USP25: variants seen among roughly 807,000 people sequenced by gnomAD.
USP25 encodes the protein ubiquitin specific peptidase 25.
A neutral mutation model predicts 158.5 loss-of-function variants in USP25; 85 were observed. The observed-to-expected ratio is 0.54, with a 90% CI of 0.45 to 0.64. The LOEUF (loss-of-function observed/expected upper bound fraction) is 0.64. Among genes scored for constraint, USP25 ranks in the 30% least tolerant of loss-of-function variants. USP25 has a pLI of 0.00. For synonymous variants in USP25, 464 were observed against 460.4 expected, an observed-to-expected ratio of 1.01 and a Z score of -0.10; for missense variants, 1,242 against 1,327.3, an observed-to-expected ratio of 0.94 and a Z score of 1.00.
In USP25 at chr21:15,811,220, TA is replaced by T. The variant is rs1199287003; in HGVS notation, c.931+11del. On this transcript the variant is annotated intron_variant, in intron 9 of 25. Coordinates refer to ENST00000400183, the MANE Select transcript of USP25 (RefSeq NM_001283041.3). ...GTGGGAGTACTTGAAGGTAGAGTTA[TA>T]CATTTACTTTTTATTGCAAGTGAAG... The T allele has an allele frequency of 6.2e-7, 1 of 1,602,000 alleles. No individual in the cohort carries two copies. The highest frequency in any genetic ancestry group is 8.5e-7 in the Non-Finnish European group (1 of 1,174,738).
At chr21:15,783,126 C>T (rs1370064681) in intron 4 of USP25, among the ~76,000 whole-genome samples, 1 of 151,410 alleles carries the variant, frequency 6.6e-6, no homozygotes, top group Non-Finnish European at 1.5e-5. Flanking sequence ...CAATTGAGAG[C>T]CACAGTAACA....
intron 21 of USP25, 129 bp downstream of exon 21, chr21:15,864,575 A>T (rs1204961128): frequency 1.2e-6 from 1 of 862,848 alleles, no homozygotes; most frequent in East Asian, 3.0e-5. Context: ...TACGTAACAA[A>T]ATTTGAACTC....
At chr21:15,799,640 T>C (rs1363295016) in intron 5 of USP25, 117 bp from the exon 6 acceptor site, 2 of 551,788 alleles carry the variant, frequency 3.6e-6, no homozygotes, top group East Asian at 3.0e-5. Context: ...CCAGTTGCAA[T>C]GATTCTGAGT....
intron 1 of USP25, among the ~76,000 whole-genome samples, chr21:15,733,759 T>C (rs1394223162): frequency 2.0e-5 from 3 of 152,074 alleles, no homozygotes; most frequent in Non-Finnish European, 4.4e-5. Flanking sequence ...GGAGAATCGC[T>C]TGAACTCGGG....
In USP25 at chr21:15,766,144, A is replaced by G; in HGVS notation, c.268+3A>G. The G allele has an allele frequency of 6.3e-7, 1 of 1,584,880 alleles. No homozygotes were observed. The highest frequency in any genetic ancestry group is 8.5e-7 in the Non-Finnish European group (1 of 1,171,518). On this transcript the variant is annotated splice_donor_region_variant and intron_variant, in intron 3 of 25. Transcript: ENST00000400183. This position sits in a 1 kb window ranked among gnomAD's most constrained non-coding sequence, Gnocchi z 4.0. ...TGTGGGAAGCCAAGCAGATACAAGT[A>G]AGTTTTCTTTCTTTTCTTATTATTT...
In USP25 at chr21:15,791,494, TGA is replaced by T. The variant is rs1393033363; in HGVS notation, c.393-7_393-6del. The T allele has an allele frequency of 1.9e-6, 3 of 1,591,876 alleles. No homozygotes were observed. Among genetic ancestry groups the T allele is most frequent in the African/African-American group, 2.7e-5 (2 of 73,760 alleles). ...ATAATGCTGCATTTTTTTCCACCAT[TGA>T]TTAAGAGTTCTTGAAGCCAGCATAG... On this transcript the variant is annotated splice_polypyrimidine_tract_variant and splice_region_variant and intron_variant, in intron 4 of 25. Coordinates refer to ENST00000400183, the MANE Select transcript of USP25 (RefSeq NM_001283041.3).
chr21:15,752,346 G>T (rs1476550433), intron 1 of USP25, among the ~76,000 whole-genome samples: 1 of 152,036 alleles, frequency 6.6e-6, no homozygotes, highest in East Asian at 1.9e-4. Flanking sequence ...CTCCTGAGTA[G>T]CTGGGACTAC....
chr21:15,745,632 C>G (rs749181625), intron 1 of USP25, among the ~76,000 whole-genome samples: 1 of 151,814 alleles, frequency 6.6e-6, no homozygotes, highest in Non-Finnish European at 1.5e-5. Flanking sequence ...TGCACCACCA[C>G]GCTCAGCTAA....
chr21:15,768,928 A>T (rs561858198), intron 3 of USP25, among the ~76,000 whole-genome samples: 2 of 152,210 alleles, frequency 1.3e-5, no homozygotes, highest in East Asian at 3.9e-4. Flanking sequence ...GTGCTGACAA[A>T]ACGTCTGTCT....
intron 1 of USP25, among the ~76,000 whole-genome samples, chr21:15,762,672 C>T (rs535998695): frequency 7.0e-4 from 107 of 152,168 alleles, no homozygotes; most frequent in African/African-American, 2.4e-3. Context: ...GTTACCTTTT[C>T]GAAACGTGAG....
Position 15,878,376 on chromosome 21 carries a change from T to C in USP25, c.3279T>C (p.His1093=). The part of the protein sequence containing the change: ...LDCSMEIKSF[H]EPPKLPSYST... ...GTTCTATGGAGATTAAAAGTTTCCA[T>C]GAGCCACCGAAGTTACCTTCATATT... Residue 1093 remains histidine, a synonymous_variant, in exon 26 of 26, where the codon CAT becomes CAC. Coordinates refer to ENST00000400183, the MANE Select transcript of USP25 (RefSeq NM_001283041.3). 5 of 1,613,368 alleles carry C rather than the reference T, an allele frequency of 3.1e-6. No homozygotes were observed. Among genetic ancestry groups the C allele is most frequent in the Non-Finnish European group, 4.2e-6 (5 of 1,179,292 alleles).
chr21:15,864,034 T>C (rs1198242280), intron 20 of USP25, among the ~76,000 whole-genome samples: 14 of 145,188 alleles, frequency 9.6e-5, no homozygotes, highest in South Asian at 6.5e-4. Context: ...GAGACTTCTT[T>C]TTTTTTTTTT....
chr21:15,817,650 G>A (rs1479381388), intron 9 of USP25, among the ~76,000 whole-genome samples: 1 of 152,162 alleles, frequency 6.6e-6, no homozygotes, highest in Non-Finnish European at 1.5e-5. Flanking sequence ...CATGGCAGAA[G>A]GTGAAGGGCA....
chr21:15,789,180 A>G (rs1340001207), intron 4 of USP25, among the ~76,000 whole-genome samples: 1 of 152,144 alleles, frequency 6.6e-6, no homozygotes, highest in East Asian at 1.9e-4. Context: ...TGATGTTTAC[A>G]TTAAATATTT....
chr21:15,805,896 C>T (rs773254196), intron 7 of USP25, among the ~76,000 whole-genome samples: 3 of 152,308 alleles, frequency 2.0e-5, no homozygotes, highest in Non-Finnish European at 4.4e-5. Context: ...CAAAAAGCCA[C>T]TAAGCTTGCA....
At chr21:15,770,108 T>G (rs957502247) in intron 3 of USP25, among the ~76,000 whole-genome samples, 1 of 152,118 alleles carries the variant, frequency 6.6e-6, no homozygotes, top group Non-Finnish European at 1.5e-5. Context: ...CTGTGATAAA[T>G]AGATCCAATT....
At position 15,878,011 on chromosome 21, in the gene USP25, G is replaced by A. The variant is rs778822592; in HGVS notation, c.3205+20G>A. Reference sequence around the variant, plus strand: ...TGGAACGTAAGTTTAAACAATGGTAGTAGGCACCTGAGATGTCCGGATTAA... The same window carrying A: ...TGGAACGTAAGTTTAAACAATGGTAATAGGCACCTGAGATGTCCGGATTAA... On this transcript the variant is annotated intron_variant, in intron 25 of 25. Coordinates refer to ENST00000400183, the MANE Select transcript of USP25 (RefSeq NM_001283041.3). 5 of 1,585,868 alleles carry A rather than the reference G, an allele frequency of 3.2e-6. No individual in the cohort carries two copies. The highest frequency in any genetic ancestry group is 1.4e-5 in the African/African-American group (1 of 73,644).
intron 17 of USP25, among the ~76,000 whole-genome samples, chr21:15,838,840 CTTAAAAGA>C (rs1183925048): frequency 1.3e-5 from 2 of 152,132 alleles, no homozygotes; most frequent in Non-Finnish European, 2.9e-5. Flanking sequence ...AGTTGACCTT[CTTAAAAGA>C]TTGAAGACCA....
In USP25 at chr21:15,730,431, C is replaced by T; in HGVS notation, c.38C>T (p.Ala13Val). 1 of 1,365,128 alleles carries T rather than the reference C, an allele frequency of 7.3e-7. No homozygotes were observed. Among genetic ancestry groups the T allele is most frequent in the Non-Finnish European group, 9.5e-7 (1 of 1,049,828 alleles). The allele number at this position is 1,365,128 out of a possible 1,614,324, so 84.6% of individuals were successfully genotyped here. ...CAGAACGTGCTGCAGCAGAGCGCGG[C>T]GCAGAAGGTGAGGCGAGTCCGCCAG... The part of the protein sequence containing the change: ...VEQNVLQQSA[A>V]QKHQQTFLNQ... The change falls in exon 1 of 26, where the codon GCG (alanine) becomes GTG (valine). Residue 13 changes from alanine to valine, a missense_variant. Coordinates refer to ENST00000400183, the MANE Select transcript of USP25 (RefSeq NM_001283041.3).
Sources: allele counts gnomAD v4.1 joint callset (sites outside exome capture counted in the v4.1 genomes callset), GRCh38; gene constraint gnomAD v4.1.1; non-coding constraint Gnocchi (gnomAD v3.1); transcripts MANE v1.5; gene names NCBI Gene and HGNC (gene_info 2026-07-23, HGNC 2026-07-21).